Variants in LRP2 observed in about 807,000 individuals in gnomAD.
LRP2 encodes low-density lipoprotein receptor-related protein 2.
In LRP2, 172 loss-of-function variants were observed where a neutral mutation model predicts 531.0. That is an observed-to-expected ratio of 0.32 (90% CI 0.29 to 0.37). The LOEUF (loss-of-function observed/expected upper bound fraction) is 0.37, where lower values mean the gene tolerates loss of function less well. LRP2 is among the 10% of genes least tolerant of loss of function. The pLI is 1.00. For synonymous variants in LRP2, 1,992 were observed against 2,027.6 expected (o/e 0.98, Z 0.47); for missense variants, 5,167 against 5,868.3 (o/e 0.88, Z 3.90).
chr2:169,225,368 G>A lies in LRP2; in HGVS notation c.5480C>T (p.Ala1827Val), dbSNP rs771605746. The A allele has an allele frequency of 1.5e-5, 24 of 1,613,916 alleles. 2 individuals are homozygous for A. The South Asian group carries it at 2.6e-4, about 18-fold the overall frequency. ...ISMVGPSMNLALDWISRNLYS... is the reference protein window; with the variant it reads ...ISMVGPSMNLVLDWISRNLYS... ...AAGGTTTCTTGAAATCCAATCTAAG[G>A]CCAGGTTCATAGAAGGCCCCACCAT... is the stretch of plus-strand genomic sequence containing the variant. The change falls in exon 33 of 79, where the codon GCC becomes GTC. Residue 1827 changes from alanine to valine, a missense_variant. Ala to Val is a moderately conservative substitution (Grantham distance 64). This residue lies in a region of LRP2 where 2,811 missense variants were observed against 3,058.0 expected (regional missense o/e 0.92). Transcript: ENST00000649046.
intron 31 of LRP2, among the ~76,000 whole-genome samples, chr2:169,230,909 A>G (rs1312789274): frequency 6.6e-6 from 1 of 152,204 alleles, no homozygotes; most frequent in African/African-American, 2.4e-5. Context: ...TCTCCTTCTT[A>G]AAGTATCAGA....
At chr2:169,283,119 A>T in intron 9 of LRP2, 118 bp from the exon 10 acceptor site, 1 of 986,724 alleles carries the variant, frequency 1.0e-6, no homozygotes. Flanking sequence ...CTAAATAAAC[A>T]CCCTCTGGAA....
At chr2:169,305,501 A>C (rs1345136857) in intron 4 of LRP2, among the ~76,000 whole-genome samples, 2 of 152,236 alleles carry the variant, frequency 1.3e-5, no homozygotes, top group African/African-American at 4.8e-5. Flanking sequence ...GACAATCCAG[A>C]GAACTAAAAT....
chr2:169,204,502 C>A (rs1688311134), intron 41 of LRP2, among the ~76,000 whole-genome samples: 1 of 152,040 alleles, frequency 6.6e-6, no homozygotes, highest in Non-Finnish European at 1.5e-5. Context: ...AGTAATCCTA[C>A]AAAAGGAATC....
Position 169,202,807 on chromosome 2 carries a change from C to T in LRP2, c.8158G>A (p.Asp2720Asn). The T allele has an allele frequency of 6.2e-7, 1 of 1,609,098 alleles. No homozygotes were observed. The highest frequency in any genetic ancestry group is 8.5e-7 in the Non-Finnish European group (1 of 1,177,130). The change falls in exon 43 of 79, where the codon GAT becomes AAT. Residue 2720 changes from aspartate (D) to asparagine (N), a missense_variant. Physicochemically the swap from Asp to Asn is conservative, Grantham distance 23 (BLOSUM62 1). This residue lies in a region of LRP2 where 1,129 missense variants were observed against 1,362.7 expected (regional missense o/e 0.83). Transcript: ENST00000649046. Reference protein sequence around the residue: ...GRCISEEWKCDNDNDCGDGSD... With the variant: ...GRCISEEWKCNNDNDCGDGSD... ...CCATCCCCACAGTCGTTGTCATTATCACACTTCCACTCTTCCGAGATGCAG... is the reference window on the plus strand; with the variant it reads ...CCATCCCCACAGTCGTTGTCATTATTACACTTCCACTCTTCCGAGATGCAG...
chr2:169,182,736 A>C (rs1037078093), intron 50 of LRP2: 40 of 477,314 alleles, frequency 8.4e-5, no homozygotes, highest in Non-Finnish European at 1.1e-4. Flanking sequence ...GAAACTGCAC[A>C]GAGAAACTCT....
At chr2:169,235,488 C>A (rs917337697) in intron 29 of LRP2, among the ~76,000 whole-genome samples, 1 of 152,160 alleles carries the variant, frequency 6.6e-6, no homozygotes, top group African/African-American at 2.4e-5. Flanking sequence ...ATCCACCCAC[C>A]TCGGCCTCCC....
At chr2:169,301,462 C>T (rs1205599545) in intron 4 of LRP2, among the ~76,000 whole-genome samples, 11 of 150,740 alleles carry the variant, frequency 7.3e-5, no homozygotes, top group Admixed American at 6.6e-4. Context: ...TTACAGATGA[C>T]CAGATTGAAT....
chr2:169,162,127 C>T (rs1051082529), intron 63 of LRP2, among the ~76,000 whole-genome samples: 1 of 152,204 alleles, frequency 6.6e-6, no homozygotes, highest in Non-Finnish European at 1.5e-5. Flanking sequence ...GGGAAGAGGA[C>T]TTGCTCTGCA....
chr2:169,284,423 C>T (rs1422102928), intron 9 of LRP2, among the ~76,000 whole-genome samples: 3 of 151,674 alleles, frequency 2.0e-5, no homozygotes, highest in Admixed American at 1.3e-4. Context: ...CGCCACCACA[C>T]CTGGCTAATA....
rs770651685 is a variant in LRP2, at chr2:169,188,020, A to G, written c.9278T>C (p.Leu3093Pro). 1 of 1,613,898 alleles carries G rather than the reference A, an allele frequency of 6.2e-7. No individual in the cohort carries two copies. The highest frequency in any genetic ancestry group is 2.2e-5 in the East Asian group (1 of 44,870). ...DNGRCIEMMK[L>P]CNHLDDCLDN... ...CAAACAGTCATCTAGGTGGTTGCAG[A>G]GTTTCATCATCTCGATGCAGCGCCC... Residue 3093 changes from leucine to proline, a missense_variant, in exon 49 of 79, where the codon CTC (leucine) becomes CCC (proline). Leu to Pro is a moderately conservative substitution (Grantham distance 98, BLOSUM62 -3). This residue lies in a region of LRP2 where 1,129 missense variants were observed against 1,362.7 expected (regional missense o/e 0.83). Coordinates refer to ENST00000649046, the MANE Select transcript of LRP2 (RefSeq NM_004525.3).
rs2105343675 is a variant in LRP2, at chr2:169,213,708, A to G, written c.5989T>C (p.Leu1997=). The G allele has an allele frequency of 9.3e-6, 15 of 1,613,758 alleles. No homozygotes were observed. The highest frequency in any genetic ancestry group is 1.3e-5 in the Non-Finnish European group (15 of 1,179,844). ...DKATGANKIV[L]RDNVPNLRGL... ...CTCAGATTTGGAACATTATCTCTCA[A>G]GACTATTTTGTTGGCCCCAGTGGCC... The change falls in exon 36 of 79, where the codon TTG becomes CTG. Residue 1997 remains leucine, a synonymous_variant. Transcript: ENST00000649046.
chr2:169,310,630 G>A (rs555593451), intron 3 of LRP2, among the ~76,000 whole-genome samples: 75 of 152,250 alleles, frequency 4.9e-4, no homozygotes, highest in Non-Finnish European at 8.4e-4. Context: ...TTTTTGCATC[G>A]ATGTTCATCA....
intron 5 of LRP2, 147 bp from the exon 6 acceptor site, chr2:169,294,408 A>G (rs2105472606): frequency 4.0e-6 from 3 of 755,084 alleles, no homozygotes; most frequent in East Asian, 2.7e-5. Flanking sequence ...CCAGTTATCC[A>G]GGAACAAAAA....
At chr2:169,289,305 A>G (rs906896852) in intron 8 of LRP2, among the ~76,000 whole-genome samples, 160 bp from the exon 9 acceptor site, 1 of 152,208 alleles carries the variant, frequency 6.6e-6, no homozygotes, top group East Asian at 1.9e-4. Context: ...CTTTGCAATA[A>G]AAGTTCAACT....
rs191145030 is a variant in LRP2 at position 169,128,751 on chromosome 2, G to C, written c.13880C>G (p.Ser4627Trp). The part of the protein sequence containing the change: ...PSLPAKPKPP[S>W]RRDPTPTYSA... ...ATAGGTTGGAGTTGGGTCTCTTCTCGAAGGAGGCTTAGGCTTAGCAGGGAG... is the reference window on the plus strand; with the variant it reads ...ATAGGTTGGAGTTGGGTCTCTTCTCCAAGGAGGCTTAGGCTTAGCAGGGAG... Residue 4627 changes from serine (S) to tryptophan (W), a missense_variant, in exon 79 of 79, where the codon TCG becomes TGG. By Grantham distance (177) the Ser-to-Trp change is radical. Around this residue, in one of 6 missense-constraint regions of LRP2, gnomAD observed 348 missense variants for 369.3 expected, o/e 0.94. Transcript: ENST00000649046. 1.2e-5 allele frequency: 20 copies of C among 1,613,970 alleles called. No homozygotes were observed. The highest frequency in any genetic ancestry group is 2.7e-5 in the African/African-American group (2 of 74,898).
At chr2:169,244,352 T>C (rs1689923438) in intron 22 of LRP2, among the ~76,000 whole-genome samples, 1 of 152,244 alleles carries the variant, frequency 6.6e-6, no homozygotes, top group Non-Finnish European at 1.5e-5. Context: ...AAGGTCTGGA[T>C]ATATCTATAT....
intron 76 of LRP2, among the ~76,000 whole-genome samples, chr2:169,136,278 C>G (rs1685505292): frequency 6.6e-6 from 1 of 152,124 alleles, no homozygotes; most frequent in Admixed American, 6.5e-5. Context: ...TTGAGCAGCC[C>G]TGAGAAACAC....
At chr2:169,175,807 T>C (rs1056242235) in intron 54 of LRP2, among the ~76,000 whole-genome samples, 1 of 152,192 alleles carries the variant, frequency 6.6e-6, no homozygotes, top group African/African-American at 2.4e-5. Flanking sequence ...GTATGCTAGA[T>C]TCTTAATCTC....
Sources: gnomAD v4.1 joint callset for allele counts (sites outside exome capture counted in the v4.1 genomes callset) on GRCh38, gnomAD v4.1.1 for gene constraint, gnomAD v4.1.1 regional missense constraint, MANE v1.5 for transcripts, NCBI Gene and HGNC (gene_info 2026-07-23, HGNC 2026-07-21) for gene names.